Variants in TTC39B observed in about 807,000 individuals in gnomAD.
TTC39B encodes the protein tetratricopeptide repeat protein 39B.
TTC39B carries 92 observed loss-of-function variants against 96.6 expected under a neutral mutation model. The ratio of observed to expected loss-of-function variants is 0.95; its 90% confidence interval spans 0.80 to 1.13. The LOEUF (loss-of-function observed/expected upper bound fraction) is 1.13, where lower values mean the gene tolerates loss of function less well. TTC39B is among the 50% of genes most tolerant of loss of function. The probability of loss-of-function intolerance (pLI) is 0.00; values close to 1 mark genes in which losing one functional copy is unlikely to be tolerated. For missense variants in TTC39B, 955 were observed against 809.3 expected (o/e 1.18, Z -2.18); for synonymous variants, 367 against 299.4 (o/e 1.23, Z -2.33).
chr9:15,281,268 A>G (rs563442110), intron 1 of TTC39B, among the ~76,000 whole-genome samples: 5 of 152,336 alleles, frequency 3.3e-5, no homozygotes, highest in Non-Finnish European at 1.5e-5. Context: ...TAAAATGGGA[A>G]TAACAGTGCC....
intron 17 of TTC39B, among the ~76,000 whole-genome samples, chr9:15,182,086 C>T (rs1173422425): frequency 6.6e-6 from 1 of 152,176 alleles, no homozygotes; most frequent in African/African-American, 2.4e-5. Flanking sequence ...TATGGCTGGC[C>T]TGGCCTTTTT....
Position 15,191,264 on chromosome 9 carries a change from A to C in TTC39B, c.931-9T>G, listed in dbSNP as rs1252801116. 2 of 1,595,472 alleles carry C rather than the reference A, an allele frequency of 1.3e-6. No homozygotes were observed. The highest frequency in any genetic ancestry group is 2.2e-5 in the South Asian group (2 of 89,800). ...GGTAAAAGGGACAGCATCTGTAAGA[A>C]AAAAATATACAGTGTACTTATGTGT... On this transcript the variant is annotated splice_polypyrimidine_tract_variant and intron_variant, in intron 9 of 19. Transcript: ENST00000512701.
chr9:15,305,220 C>G (rs1195219212), intron 1 of TTC39B, among the ~76,000 whole-genome samples: 1 of 152,194 alleles, frequency 6.6e-6, no homozygotes, highest in African/African-American at 2.4e-5. Context: ...CTTACATTTA[C>G]TTGAGCTCCT....
intron 2 of TTC39B, among the ~76,000 whole-genome samples, chr9:15,244,474 C>A (rs906015782): frequency 1.3e-5 from 2 of 152,232 alleles, no homozygotes; most frequent in African/African-American, 4.8e-5. Context: ...TGCCCTATGT[C>A]CCTCCCAGAG....
chr9:15,177,639 C>T, intron 18 of TTC39B, 58 bp downstream of exon 18: 1 of 1,189,626 alleles, frequency 8.4e-7, no homozygotes, highest in African/African-American at 1.5e-5. Context: ...CACTTTCTCA[C>T]AGCAATTCCC....
intron 1 of TTC39B, among the ~76,000 whole-genome samples, chr9:15,288,855 C>T (rs1202326684): frequency 6.6e-6 from 1 of 152,214 alleles, no homozygotes; most frequent in African/African-American, 2.4e-5. Flanking sequence ...GCTCCCCCAC[C>T]CATAAGGGGT....
chr9:15,202,354 C>A (rs1419261179), intron 7 of TTC39B, among the ~76,000 whole-genome samples: 1 of 152,084 alleles, frequency 6.6e-6, no homozygotes, highest in Non-Finnish European at 1.5e-5. Flanking sequence ...TTCCGTTTTA[C>A]TAAACCAGAA....
At chr9:15,229,174 A>T (rs1821291349) in intron 2 of TTC39B, among the ~76,000 whole-genome samples, 1 of 152,260 alleles carries the variant, frequency 6.6e-6, no homozygotes, top group South Asian at 2.1e-4. Flanking sequence ...ACTATTGCAA[A>T]CACACAAATA....
At chr9:15,187,777 T>C (rs1818614233) in intron 14 of TTC39B, among the ~76,000 whole-genome samples, 194 bp downstream of exon 14, 1 of 152,250 alleles carries the variant, frequency 6.6e-6, no homozygotes, top group South Asian at 2.1e-4. Flanking sequence ...GAACAGTAGA[T>C]GGCTTTTAAA....
At chr9:15,281,028 CT>C (rs112924801) in intron 1 of TTC39B, among the ~76,000 whole-genome samples, 5 of 151,090 alleles carry the variant, frequency 3.3e-5, no homozygotes, top group East Asian at 1.9e-4. Context: ...TCTTTTTTGT[CT>C]TTTTTTTTGT....
intron 8 of TTC39B, 22 bp downstream of exon 8, chr9:15,199,839 C>T: frequency 7.5e-7 from 1 of 1,331,194 alleles, no homozygotes; most frequent in Non-Finnish European, 1.0e-6. Flanking sequence ...ATTTACAAAC[C>T]ACATCTTACT....
chr9:15,171,738 C>T (rs1287027190), exon 20 of TTC39B: 1 of 205,282 alleles, frequency 4.9e-6, no homozygotes, highest in East Asian at 1.1e-4. Flanking sequence ...ATTGCATCTG[C>T]AAGTCTTTCA....
chr9:15,189,161 G>A (rs866369316), intron 13 of TTC39B, among the ~76,000 whole-genome samples: 38 of 152,130 alleles, frequency 2.5e-4, no homozygotes, highest in African/African-American at 7.2e-4. Context: ...TCGACGCTTC[G>A]TTTTTGAGGG....
chr9:15,301,823 A>G (rs1824602040), intron 1 of TTC39B, among the ~76,000 whole-genome samples: 1 of 152,186 alleles, frequency 6.6e-6, no homozygotes, highest in Non-Finnish European at 1.5e-5. Flanking sequence ...CTTCATCTAA[A>G]CTTCCAAAGA....
chr9:15,294,114 C>G (rs1267428633), intron 1 of TTC39B, among the ~76,000 whole-genome samples: 2 of 152,064 alleles, frequency 1.3e-5, no homozygotes, highest in Non-Finnish European at 2.9e-5. Flanking sequence ...TTGCATGTTA[C>G]TTTAAAGGCA....
intron 19 of TTC39B, among the ~76,000 whole-genome samples, chr9:15,173,581 T>G (rs985463114): frequency 1.3e-5 from 2 of 152,194 alleles, no homozygotes; most frequent in African/African-American, 4.8e-5. Flanking sequence ...CTTTCCTAGA[T>G]GTCTTCCTAA....
At chr9:15,178,615 A>G (rs1818087125) in intron 17 of TTC39B, among the ~76,000 whole-genome samples, 1 of 152,254 alleles carries the variant, frequency 6.6e-6, no homozygotes, top group Non-Finnish European at 1.5e-5. Flanking sequence ...TTACTATATC[A>G]GAACATCATT....
intron 3 of TTC39B, among the ~76,000 whole-genome samples, chr9:15,222,758 T>G (rs1228861094): frequency 6.6e-6 from 1 of 152,218 alleles, no homozygotes; most frequent in Non-Finnish European, 1.5e-5. Flanking sequence ...TCTCCGTTCC[T>G]TTAATTCTAA....
At chr9:15,165,380 T>C (rs1051564831) in exon 20 of TTC39B, 10 of 152,002 alleles carry the variant, frequency 6.6e-5, no homozygotes, top group African/African-American at 2.4e-4. Flanking sequence ...GTGAACTCAT[T>C]TATTATCCCC....
Sources: gnomAD v4.1 joint callset for allele counts (sites outside exome capture counted in the v4.1 genomes callset) on GRCh38, gnomAD v4.1.1 for gene constraint, MANE v1.5 for transcripts, NCBI Gene and HGNC (gene_info 2026-07-23, HGNC 2026-07-21) for gene names.